Variants in SMAD4 observed in about 807,000 individuals in gnomAD.
SMAD4 encodes the protein MAD homolog 4.
A neutral mutation model predicts 63.2 loss-of-function variants in SMAD4; 7 were observed. The observed-to-expected ratio is 0.11, with a 90% confidence interval of 0.06 to 0.21. The LOEUF (loss-of-function observed/expected upper bound fraction) is 0.21, where lower values mean the gene tolerates loss of function less well. SMAD4 is among the 10% of genes least tolerant of loss of function. SMAD4 has a pLI of 1.00. For missense variants in SMAD4, 312 were observed against 693.8 expected (o/e 0.45, Z 6.18); for synonymous variants, 215 against 235.4 (o/e 0.91, Z 0.79).
At position 51,054,800 on chromosome 18, in the gene SMAD4, G is replaced by A. The variant is rs749594930; in HGVS notation, c.474G>A (p.Val158=). 4 of 1,612,744 alleles carry A rather than the reference G, an allele frequency of 2.5e-6. No individual in the cohort carries two copies. The highest frequency in any genetic ancestry group is 1.7e-5 in the Admixed American group (1 of 60,010). The change falls in exon 5 of 12, where the codon GTG becomes GTA. Residue 158 remains valine, a synonymous_variant. Transcript: ENST00000342988. ...ATATAGCTCCATCAAGTATGATGGT[G>A]AAGGATGAATATGTGCATGACTTTG... The part of the protein sequence containing the change: ...LQSNAPSSMM[V]KDEYVHDFEG...
intron 8 of SMAD4, among the ~76,000 whole-genome samples, chr18:51,060,353 A>G (rs1379408421): frequency 6.6e-6 from 1 of 152,242 alleles, no homozygotes; most frequent in Non-Finnish European, 1.5e-5. Context: ...AATTGTATGC[A>G]AAAGAGTAAA....
intron 11 of SMAD4, among the ~76,000 whole-genome samples, chr18:51,077,878 T>C (rs1490242086): frequency 2.0e-5 from 3 of 152,218 alleles, no homozygotes; most frequent in Non-Finnish European, 4.4e-5. Context: ...TGTCTTATTC[T>C]GAACTAGGCT....
chr18:51,034,609 A>G (rs1016239720), intron 1 of SMAD4, among the ~76,000 whole-genome samples: 3 of 151,478 alleles, frequency 2.0e-5, no homozygotes, highest in Non-Finnish European at 4.4e-5. Flanking sequence ...CAGTGCTGCA[A>G]TCATAGCTCA....
chr18:51,067,130 A>G lies in SMAD4; in HGVS notation c.1251A>G (p.Glu417=). ...TACAGAGTTACTACTTAGACAGAGAAGCTGGGCGTGCACCTGGAGATGCTG... is the reference window on the plus strand; with the variant it reads ...TACAGAGTTACTACTTAGACAGAGAGGCTGGGCGTGCACCTGGAGATGCTG... ...VFVQSYYLDR[E]AGRAPGDAVH... is the part of the protein sequence containing the mutation. Residue 417 remains glutamate (E), a synonymous_variant, in exon 10 of 12, where the codon GAA becomes GAG. Transcript: ENST00000342988. 6.2e-7 allele frequency: 1 copy of G among 1,610,800 alleles called. No homozygotes were observed. Among genetic ancestry groups the G allele is most frequent in the Non-Finnish European group, 8.5e-7 (1 of 1,176,942 alleles).
At chr18:51,063,981 G>A (rs951266055) in intron 8 of SMAD4, among the ~76,000 whole-genome samples, 1 of 151,942 alleles carries the variant, frequency 6.6e-6, no homozygotes, top group African/African-American at 2.4e-5. Context: ...AAAGTAATTA[G>A]GGTACATAGC....
intron 9 of SMAD4, among the ~76,000 whole-genome samples, chr18:51,066,587 C>T (rs1009906694): frequency 2.0e-5 from 3 of 152,208 alleles, no homozygotes; most frequent in East Asian, 3.9e-4. Context: ...CTGTCCAGTT[C>T]GGTAGCCACT....
intron 1 of SMAD4, among the ~76,000 whole-genome samples, chr18:51,034,423 A>G (rs562345872): frequency 6.6e-6 from 1 of 151,678 alleles, no homozygotes; most frequent in East Asian, 1.9e-4. Flanking sequence ...ATTTTTTTGT[A>G]TTATTAGTAG....
intron 11 of SMAD4, 69 bp downstream of exon 11, chr18:51,076,845 A>T: frequency 8.0e-7 from 1 of 1,252,324 alleles, no homozygotes; most frequent in Admixed American, 2.5e-5. Context: ...TACTCAGTTG[A>T]TTAGTTTCTT....
At chr18:51,077,062 A>G (rs1325847305) in intron 11 of SMAD4, 1 of 220,222 alleles carries the variant, frequency 4.5e-6, no homozygotes, top group Non-Finnish European at 8.9e-6. Flanking sequence ...GATGCTTATT[A>G]TAATTCTGCC....
At position 51,070,128 on chromosome 18, in the gene SMAD4, A is replaced by C. The variant is rs186295711; in HGVS notation, c.1308+2941A>C. 3.9e-5 allele frequency among the ~76,000 whole-genome samples: 6 copies of C among 152,348 alleles called. No homozygotes were observed. In the East Asian group the frequency reaches 9.6e-4, roughly 24 times the overall value. ...TCTCTTGTTTTATTTATGTAATTTAAAGTGACTGGATAGAGAACTATGGTG... is the reference window on the plus strand; with the variant it reads ...TCTCTTGTTTTATTTATGTAATTTACAGTGACTGGATAGAGAACTATGGTG... On this transcript the variant is annotated intron_variant, in intron 10 of 11. Coordinates refer to ENST00000342988, the MANE Select transcript of SMAD4 (RefSeq NM_005359.6).
rs149424787 is a variant in SMAD4, at chr18:51,080,589, A to G, written c.*2122A>G. ...TGGAGTCTTGCTGTGTTGCCCAGGC[A>G]GGAGTGCAGTGGTATGATCTCAGCT... On this transcript the variant is annotated 3_prime_UTR_variant, in exon 12 of 12. Transcript: ENST00000342988. The G allele has an allele frequency of 0.016, 3,039 of 186,224 alleles. 30 individuals carry two copies. The highest frequency in any genetic ancestry group is 0.068 in the Middle Eastern group (34 of 500). 11.5% of individuals were successfully genotyped at this position (186,224 alleles called of 1,614,324 possible).
chr18:51,082,153 C>T lies in SMAD4; in HGVS notation c.*3686C>T, dbSNP rs530933836. On this transcript the variant is annotated 3_prime_UTR_variant, in exon 12 of 12. Transcript: ENST00000342988. The stretch of plus-strand genomic sequence containing the variant: ...ACGGAGGTAAATGAGTATATGAAAG[C>T]AATTACCTCTAAAGCCAGTTAACAA... 1 of 229,790 alleles carries T rather than the reference C, an allele frequency of 4.4e-6. No individual in the cohort carries two copies. Among genetic ancestry groups the T allele is most frequent in the African/African-American group, 2.2e-5 (1 of 45,278 alleles). The allele number at this position is 229,790 out of a possible 1,614,324, so 14.2% of individuals were successfully genotyped here.
At position 51,065,548 on chromosome 18, in the gene SMAD4, C is replaced by T. The variant is rs80338963; in HGVS notation, c.1081C>T (p.Arg361Cys). 1 of 1,614,150 alleles carries T rather than the reference C, an allele frequency of 6.2e-7. No individual in the cohort carries two copies. The highest frequency in any genetic ancestry group is 8.5e-7 in the Non-Finnish European group (1 of 1,180,002). ...DGYVDPSGGD[R>C]FCLGQLSNVH... ...ATACGTGGACCCTTCTGGAGGAGAT[C>T]GCTTTTGTTTGGGTCAACTCTCCAA... The change falls in exon 9 of 12, where the codon CGC becomes TGC. Residue 361 changes from arginine (R) to cysteine (C), a missense_variant. This residue lies in a region of SMAD4 where 92 missense variants were observed against 305.9 expected (regional missense o/e 0.30). Transcript: ENST00000342988.
At chr18:51,067,499 G>T (rs773088759) in intron 10 of SMAD4, among the ~76,000 whole-genome samples, 6 of 151,866 alleles carry the variant, frequency 4.0e-5, no homozygotes, top group Admixed American at 3.9e-4. Flanking sequence ...TGCAACCTGC[G>T]CCTCCTGGGT....
At chr18:51,033,424 A>G (rs1007667826) in intron 1 of SMAD4, among the ~76,000 whole-genome samples, 19 of 152,216 alleles carry the variant, frequency 1.2e-4, no homozygotes, top group African/African-American at 3.4e-4. Flanking sequence ...AACTGACCTC[A>G]GGTGATCCGC....
chr18:51,053,616 T>A (rs575973971), intron 4 of SMAD4: 24 of 152,286 alleles, frequency 1.6e-4, no homozygotes, highest in African/African-American at 4.8e-4. Flanking sequence ...TTTAAGAGGT[T>A]GTACATAGAA....
chr18:51,078,381 A>G lies in SMAD4; in HGVS notation c.1573A>G (p.Ile525Val), dbSNP rs149755320. 1.1e-3 allele frequency: 1,734 copies of G among 1,614,088 alleles called. 1 individual carries two copies. Among genetic ancestry groups the G allele is most frequent in the Non-Finnish European group, 1.3e-3 (1,587 of 1,180,030 alleles). The change falls in exon 12 of 12, where the codon ATT (isoleucine) becomes GTT (valine). Residue 525 changes from isoleucine to valine, a missense_variant. By Grantham distance (29) the Ile-to-Val change is conservative (BLOSUM62 3). Coordinates refer to ENST00000342988, the MANE Select transcript of SMAD4 (RefSeq NM_005359.6). The stretch of plus-strand genomic sequence containing the variant: ...GAGCATCAAAGAAACACCTTGCTGG[A>G]TTGAAATTCACTTACACCGGGCCCT... ...RQSIKETPCW[I>V]EIHLHRALQL...
intron 4 of SMAD4, chr18:51,053,628 C>T (rs1157398394): frequency 1.3e-5 from 2 of 152,066 alleles, no homozygotes; most frequent in Non-Finnish European, 2.9e-5. Flanking sequence ...TACATAGAAA[C>T]TTGCACAATG....
At chr18:51,063,227 A>C (rs1346323324) in intron 8 of SMAD4, among the ~76,000 whole-genome samples, 1 of 151,908 alleles carries the variant, frequency 6.6e-6, no homozygotes, top group Non-Finnish European at 1.5e-5. Flanking sequence ...TGTAAAGACC[A>C]CTTTTAAGTG....
Sources: allele counts gnomAD v4.1 joint callset (sites outside exome capture counted in the v4.1 genomes callset), GRCh38; gene constraint gnomAD v4.1.1; regional missense constraint gnomAD v4.1.1; transcripts MANE v1.5; gene names NCBI Gene and HGNC (gene_info 2026-07-23, HGNC 2026-07-21).